The following SNPH variants were observed in gnomAD, a reference collection of about 807,000 sequenced individuals.
SNPH encodes the protein syntaphilin.
Under a neutral mutation model 36.8 loss-of-function variants are expected in SNPH, and 10 were observed. The observed-to-expected ratio is 0.27, with a 90% CI of 0.17 to 0.46. The LOEUF (loss-of-function observed/expected upper bound fraction) is 0.46. Ranked by LOEUF, SNPH falls within the 20% of genes least tolerant of loss-of-function variation. SNPH has a pLI of 1.00. For synonymous variants in SNPH, 281 were observed against 312.2 expected, an observed-to-expected ratio of 0.90 and a Z score of 1.05; for missense variants, 622 against 744.0, an observed-to-expected ratio of 0.84 and a Z score of 1.91.
Position 1,266,368 on chromosome 20 carries a change from G to A in SNPH, c.-629G>A. 1 of 313,664 alleles carries A rather than the reference G, an allele frequency of 3.2e-6. No individual in the cohort carries two copies. The highest frequency in any genetic ancestry group is 5.8e-6 in the Non-Finnish European group (1 of 172,930). The allele number at this position is 313,664 out of a possible 1,614,324, so 19.4% of individuals were successfully genotyped here. On this transcript the variant is annotated 5_prime_UTR_variant, in exon 1 of 7. Coordinates refer to ENST00000381867, the MANE Select transcript of SNPH (RefSeq NM_001318234.2). This position sits in a 1 kb window ranked among gnomAD's most constrained non-coding sequence, Gnocchi z 6.0. ...GGAGAGCAATTCGGCGGCCCCTGCA[G>A]GGCAGCTGAAGCCATGGAAGCCTCC...
rs73890817 is a variant in SNPH at position 1,285,529 on chromosome 20, C to T, written c.-492-9422C>T. On this transcript the variant is annotated intron_variant, in intron 2 of 6. Transcript: ENST00000381867. The surrounding 1 kb of genome is among the most constrained non-coding windows in gnomAD (Gnocchi z 4.9). Reference sequence around the variant, plus strand: ...ACGGAGTGCTGTCCCTATGCCAGGTCCTTGCTAGGCATTTCACACGTGTTA... The same window carrying T: ...ACGGAGTGCTGTCCCTATGCCAGGTTCTTGCTAGGCATTTCACACGTGTTA... 0.11 allele frequency among the ~76,000 whole-genome samples: 17,437 copies of T among 152,132 alleles called. 1,871 individuals are homozygous for T. Among genetic ancestry groups the T allele is most frequent in the African/African-American group, 0.29 (11,905 of 41,444 alleles).
intron 2 of SNPH, among the ~76,000 whole-genome samples, chr20:1,280,920 C>T (rs2088209578): frequency 6.6e-6 from 1 of 152,190 alleles, no homozygotes; most frequent in Admixed American, 6.5e-5. Context: ...TGCAGGATAG[C>T]AGACACCTAG....
At chr20:1,274,743 T>C (rs1295909208) in intron 2 of SNPH, among the ~76,000 whole-genome samples, 1 of 152,210 alleles carries the variant, frequency 6.6e-6, no homozygotes, top group Non-Finnish European at 1.5e-5. Flanking sequence ...GGCTAGGCCA[T>C]CGGTCTGGTG....
rs942110617 is a variant in SNPH, at chr20:1,294,782, G to A, written c.-492-169G>A. Among the ~76,000 whole-genome samples, 2 of 152,156 alleles carry A rather than the reference G, an allele frequency of 1.3e-5. No homozygotes were observed. The highest frequency in any genetic ancestry group is 2.1e-4 in the South Asian group (1 of 4,830). On this transcript the variant is annotated intron_variant, in intron 2 of 6. Transcript: ENST00000381867. The surrounding 1 kb of genome is among the most constrained non-coding windows in gnomAD (Gnocchi z 4.4). Reference sequence around the variant, plus strand: ...CTGACATGGGAAGGGGGTGGTCCCCGGGCCAGAGACTCTGGGGTTTGAGAT... The same window carrying A: ...CTGACATGGGAAGGGGGTGGTCCCCAGGCCAGAGACTCTGGGGTTTGAGAT...
In SNPH at chr20:1,285,840, T is replaced by C. The variant is rs1171620045; in HGVS notation, c.-492-9111T>C. On this transcript the variant is annotated intron_variant, in intron 2 of 6. Coordinates refer to ENST00000381867, the MANE Select transcript of SNPH (RefSeq NM_001318234.2). The surrounding 1 kb of genome is among the most constrained non-coding windows in gnomAD (Gnocchi z 4.9). The stretch of plus-strand genomic sequence containing the variant: ...GGCCGGGTGCAGTGGCTCATGCCTG[T>C]AATCCCAGCACTTTGGGAGGCCAAG... Among the ~76,000 whole-genome samples, 1 of 152,220 alleles carries C rather than the reference T, an allele frequency of 6.6e-6. No homozygotes were observed. Among genetic ancestry groups the C allele is most frequent in the African/African-American group, 2.4e-5 (1 of 41,460 alleles).
chr20:1,299,215 A>G (rs1398535510), intron 5 of SNPH, among the ~76,000 whole-genome samples: 1 of 152,160 alleles, frequency 6.6e-6, no homozygotes, highest in African/African-American at 2.4e-5. Flanking sequence ...TACAGCTTCC[A>G]TGGAACTTTT....
At chr20:1,296,454 C>T (rs774915830) in intron 4 of SNPH, 33 bp downstream of exon 4, 19 of 1,568,162 alleles carry the variant, frequency 1.2e-5, no homozygotes, top group South Asian at 6.0e-5. Flanking sequence ...GCCTAGGCTT[C>T]GGAGGGCGGG....
chr20:1,275,866 T>G (rs1326768560), intron 2 of SNPH, among the ~76,000 whole-genome samples: 4 of 152,212 alleles, frequency 2.6e-5, no homozygotes, highest in Admixed American at 2.6e-4. Context: ...CTCCCTGCCA[T>G]TCCTTTCTAC....
chr20:1,299,114 A>G lies in SNPH; in HGVS notation c.291-1448A>G, dbSNP rs74486267. Among the ~76,000 whole-genome samples the G allele has an allele frequency of 5.6e-3, 859 of 152,156 alleles. 4 individuals are homozygous for G. Among genetic ancestry groups the G allele is most frequent in the Middle Eastern group, 0.01 (3 of 294 alleles). On this transcript the variant is annotated intron_variant, in intron 5 of 6. Transcript: ENST00000381867. ...GACCTAGGGGCCATGACGTGAGTAC[A>G]TAGAAGAAAACCACTTCTCATTCCA...
intron 2 of SNPH, among the ~76,000 whole-genome samples, chr20:1,281,943 G>A (rs751841237): frequency 1.3e-5 from 2 of 152,268 alleles, no homozygotes; most frequent in African/African-American, 4.8e-5. Flanking sequence ...TTCCCCGCCT[G>A]CATTGCCATG....
chr20:1,276,839 A>G lies in SNPH; in HGVS notation c.-493+10079A>G, dbSNP rs1195263355. Among the ~76,000 whole-genome samples, 1 of 152,182 alleles carries G rather than the reference A, an allele frequency of 6.6e-6. No homozygotes were observed. The highest frequency in any genetic ancestry group is 1.5e-5 in the Non-Finnish European group (1 of 68,048). On this transcript the variant is annotated intron_variant, in intron 2 of 6. Coordinates refer to ENST00000381867, the MANE Select transcript of SNPH (RefSeq NM_001318234.2). The surrounding 1 kb of genome is among the most constrained non-coding windows in gnomAD (Gnocchi z 4.6). ...GAGAAACAGAACTTCAGTCAGATGG[A>G]TGTTGGGCTTTGAAACCTTCAGATT...
In SNPH at chr20:1,305,056, C is replaced by T; in HGVS notation, c.619C>T (p.Leu207=). The T allele has an allele frequency of 6.2e-7, 1 of 1,614,078 alleles. No individual in the cohort carries two copies. The highest frequency in any genetic ancestry group is 1.1e-5 in the South Asian group (1 of 91,088). ...KNNLIDKDKG[L]QKYFVDINIQ... is the part of the protein sequence containing the mutation. ...CAACCTGATTGACAAGGACAAGGGG[C>T]TGCAGAAGTACTTCGTGGACATCAA... Residue 207 remains leucine (L), a synonymous_variant, in exon 7 of 7, where the codon CTG becomes TTG. Coordinates refer to ENST00000381867, the MANE Select transcript of SNPH (RefSeq NM_001318234.2).
In SNPH at chr20:1,266,560, C is replaced by A; in HGVS notation, c.-599-94C>A. Reference sequence around the variant, plus strand: ...TGCCCTCCAAGCCTTCTGGCTGCAGCGGCCCAGCTGTCAGCGGCCGGGGGC... The same window carrying A: ...TGCCCTCCAAGCCTTCTGGCTGCAGAGGCCCAGCTGTCAGCGGCCGGGGGC... On this transcript the variant is annotated intron_variant, in intron 1 of 6. Transcript: ENST00000381867. This position sits in a 1 kb window ranked among gnomAD's most constrained non-coding sequence, Gnocchi z 6.0. 7.3e-7 allele frequency: 1 copy of A among 1,376,262 alleles called. No homozygotes were observed. Among genetic ancestry groups the A allele is most frequent in the Non-Finnish European group, 9.4e-7 (1 of 1,066,924 alleles). 85.3% of individuals were successfully genotyped at this position (1,376,262 alleles called of 1,614,324 possible). A position where few individuals can be genotyped will look rare whatever the true frequency, so the allele number is the denominator to read the frequency against.
chr20:1,272,628 A>G (rs2088086269), intron 2 of SNPH, among the ~76,000 whole-genome samples: 1 of 152,236 alleles, frequency 6.6e-6, no homozygotes, highest in African/African-American at 2.4e-5. Context: ...TCCGTCTGTG[A>G]CCTCAGATGT....
In SNPH at chr20:1,308,597, A is replaced by G. The variant is rs1245388130; in HGVS notation, c.*2543A>G. 1 of 152,622 alleles carries G rather than the reference A, an allele frequency of 6.6e-6. No homozygotes were observed. Among genetic ancestry groups the G allele is most frequent in the Non-Finnish European group, 1.5e-5 (1 of 68,364 alleles). 9.5% of individuals were successfully genotyped at this position (152,622 alleles called of 1,614,324 possible). A position where few individuals can be genotyped will look rare whatever the true frequency, so the allele number is the denominator to read the frequency against. On this transcript the variant is annotated 3_prime_UTR_variant, in exon 7 of 7. Coordinates refer to ENST00000381867, the MANE Select transcript of SNPH (RefSeq NM_001318234.2). ...GCCATGCCCTGAAGAGGCAGGGTAC[A>G]CATGGGGCTGGGAGGGCAAAGATGG...
rs1409989500 is a variant in SNPH at position 1,266,633 on chromosome 20, C to A, written c.-599-21C>A. The A allele has an allele frequency of 2.0e-6, 3 of 1,485,150 alleles. No homozygotes were observed. Among genetic ancestry groups the A allele is most frequent in the Non-Finnish European group, 1.8e-6 (2 of 1,120,358 alleles). 92.0% of individuals were successfully genotyped at this position (1,485,150 alleles called of 1,614,324 possible). A position where few individuals can be genotyped will look rare whatever the true frequency, so the allele number is the denominator to read the frequency against. On this transcript the variant is annotated intron_variant, in intron 1 of 6. Coordinates refer to ENST00000381867, the MANE Select transcript of SNPH (RefSeq NM_001318234.2). The surrounding 1 kb of genome is among the most constrained non-coding windows in gnomAD (Gnocchi z 6.0). Reference sequence around the variant, plus strand: ...CCCGCGCTCACCCGCCCCGGTCTATCTCTTTTTCCTAACCCCGCAGGTCGC... The same window carrying A: ...CCCGCGCTCACCCGCCCCGGTCTATATCTTTTTCCTAACCCCGCAGGTCGC...
chr20:1,288,865 G>A (rs145982641), intron 2 of SNPH, among the ~76,000 whole-genome samples: 1 of 151,930 alleles, frequency 6.6e-6, no homozygotes, highest in African/African-American at 2.4e-5. Context: ...CAGGTGATCC[G>A]CCCACCTCGG....
Position 1,296,163 on chromosome 20 carries a change from A to G in SNPH, c.-77A>G, listed in dbSNP as rs1033538589. On this transcript the variant is annotated 5_prime_UTR_variant, in exon 4 of 7. Transcript: ENST00000381867. Reference sequence around the variant, plus strand: ...GGAACCTGTGCACCAGCCCTATTCAATTCACTGGTGGAGGCAGCCGTGGTC... The same window carrying G: ...GGAACCTGTGCACCAGCCCTATTCAGTTCACTGGTGGAGGCAGCCGTGGTC... 13 of 1,291,152 alleles carry G rather than the reference A, an allele frequency of 1.0e-5. No individual in the cohort carries two copies. Among genetic ancestry groups the G allele is most frequent in the Admixed American group, 6.3e-5 (2 of 31,798 alleles). The allele number at this position is 1,291,152 out of a possible 1,614,324, so 80.0% of individuals were successfully genotyped here. A position where few individuals can be genotyped will look rare whatever the true frequency, so the allele number is the denominator to read the frequency against.
At chr20:1,286,680 A>G (rs1350118779) in intron 2 of SNPH, among the ~76,000 whole-genome samples, 2 of 152,072 alleles carry the variant, frequency 1.3e-5, no homozygotes, top group Admixed American at 1.3e-4. Context: ...GGCAGTTGGG[A>G]CTCGATTGTC....
Sources: gnomAD v4.1 joint callset for allele counts (sites outside exome capture counted in the v4.1 genomes callset) on GRCh38, gnomAD v4.1.1 for gene constraint, Gnocchi (gnomAD v3.1) non-coding constraint, MANE v1.5 for transcripts, NCBI Gene and HGNC (gene_info 2026-07-23, HGNC 2026-07-21) for gene names.